Variants in STAT3 observed in about 807,000 individuals in gnomAD.
The protein encoded by STAT3 is signal transducer and activator of transcription 3, also known as DNA-binding protein APRF.
A neutral mutation model predicts 114.3 loss-of-function variants in STAT3; 7 were observed. The observed-to-expected ratio is 0.06, with a 90% CI of 0.03 to 0.11. STAT3 has a LOEUF of 0.11. Ranked by LOEUF, STAT3 falls within the 10% of genes least tolerant of loss-of-function variation. The probability of loss-of-function intolerance (pLI) is 1.00; values close to 1 mark genes in which losing one functional copy is unlikely to be tolerated. For missense variants in STAT3, 364 were observed against 960.9 expected, an observed-to-expected ratio of 0.38 and a Z score of 8.21; for synonymous variants, 331 against 354.5, an observed-to-expected ratio of 0.93 and a Z score of 0.74.
intron 15 of STAT3, among the ~76,000 whole-genome samples, chr17:42,325,631 C>T (rs2081675240): frequency 2.0e-5 from 3 of 151,308 alleles, no homozygotes; most frequent in Non-Finnish European, 2.9e-5. Context: ...ATGGCACAAT[C>T]TCAGCTCACT....
intron 21 of STAT3, among the ~76,000 whole-genome samples, chr17:42,321,114 CTTT>C (rs971943600): frequency 8.2e-5 from 9 of 110,136 alleles, no homozygotes; most frequent in Admixed American, 9.3e-5. Context: ...ATTTCTCTCT[CTTT>C]TTTTTTTTTT....
At chr17:42,370,018 C>A (rs2084021127) in intron 1 of STAT3, among the ~76,000 whole-genome samples, 1 of 152,098 alleles carries the variant, frequency 6.6e-6, no homozygotes, top group South Asian at 2.1e-4. Context: ...GTCGCCCAGA[C>A]TAGAGTGCGG....
intron 4 of STAT3, among the ~76,000 whole-genome samples, chr17:42,343,116 G>C (rs2082518862): frequency 6.7e-6 from 1 of 148,808 alleles, no homozygotes; most frequent in East Asian, 2.0e-4. Flanking sequence ...AGGCTGCAGT[G>C]AGCTGTGATC....
Position 42,339,755 on chromosome 17 carries a change from G to A in STAT3, c.373-346C>T, listed in dbSNP as rs1189980065. ...CGTGGTGTCCAGTATATTTCTGAGG[G>A]ATAATAAAAAAAAAGTCCTGCCCTA... On this transcript the variant is annotated intron_variant, in intron 4 of 23. Coordinates refer to ENST00000264657, the MANE Select transcript of STAT3 (RefSeq NM_139276.3). Among the ~76,000 whole-genome samples the A allele has an allele frequency of 2.0e-5, 3 of 151,800 alleles. No individual in the cohort carries two copies. The East Asian group carries it at 5.8e-4, about 29-fold the overall frequency.
intron 1 of STAT3, among the ~76,000 whole-genome samples, chr17:42,349,681 C>T (rs936341260): frequency 5.3e-5 from 8 of 152,160 alleles, no homozygotes; most frequent in African/African-American, 1.9e-4. Flanking sequence ...TATGAGAAAC[C>T]CAGCCAGCTA....
rs928929680 is a variant in STAT3, at chr17:42,314,333, C to G, written c.*1412G>C. 2 of 233,254 alleles carry G rather than the reference C, an allele frequency of 8.6e-6. No homozygotes were observed. The highest frequency in any genetic ancestry group is 5.6e-5 in the Admixed American group (1 of 17,752). 14.4% of individuals were successfully genotyped at this position (233,254 alleles called of 1,614,324 possible). A position where few individuals can be genotyped will look rare whatever the true frequency, so the allele number is the denominator to read the frequency against. ...CTCAACCAGACACGTCGCTGGGGCC[C>G]CATAGTGTGCATCATGTCCAACCTG... On this transcript the variant is annotated 3_prime_UTR_variant, in exon 24 of 24. Transcript: ENST00000264657.
intron 4 of STAT3, among the ~76,000 whole-genome samples, chr17:42,341,712 A>G (rs1186991983): frequency 6.6e-6 from 1 of 152,136 alleles, no homozygotes; most frequent in Non-Finnish European, 1.5e-5. Context: ...GCTTTATATC[A>G]GGGGTTGCAA....
chr17:42,348,333 T>C, intron 2 of STAT3, 56 bp downstream of exon 2: 1 of 1,608,154 alleles, frequency 6.2e-7, no homozygotes, highest in South Asian at 1.1e-5. Context: ...AGAGTTCATG[T>C]CTCTTGACTC....
Position 42,346,433 on chromosome 17 carries a change from T to G in STAT3, c.273+136A>C, listed in dbSNP as rs1598440866. 5 of 1,310,540 alleles carry G rather than the reference T, an allele frequency of 3.8e-6. No individual in the cohort carries two copies. The South Asian group carries it at 5.0e-5, about 13-fold the overall frequency. The allele number at this position is 1,310,540 out of a possible 1,614,324, so 81.2% of individuals were successfully genotyped here. A position where few individuals can be genotyped will look rare whatever the true frequency, so the allele number is the denominator to read the frequency against. On this transcript the variant is annotated intron_variant, in intron 3 of 23. Coordinates refer to ENST00000264657, the MANE Select transcript of STAT3 (RefSeq NM_139276.3). ...TACAGAGCTTTGAGAAAGGGCTAAT[T>G]ACTTCTCCTGTGATTGAAAATACAA...
At chr17:42,387,380 G>A (rs1425645319) in intron 1 of STAT3, 2 of 152,082 alleles carry the variant, frequency 1.3e-5, no homozygotes, top group Non-Finnish European at 2.9e-5. Flanking sequence ...CCTCTCCTCT[G>A]CATTTACCCA....
At chr17:42,380,024 G>T (rs2084685907) in intron 1 of STAT3, among the ~76,000 whole-genome samples, 1 of 151,946 alleles carries the variant, frequency 6.6e-6, no homozygotes, top group South Asian at 2.1e-4. Flanking sequence ...TTTAGTTTTT[G>T]ATATGACAGT....
At chr17:42,322,896 A>C in intron 20 of STAT3, 108 bp downstream of exon 20, 1 of 1,495,064 alleles carries the variant, frequency 6.7e-7, no homozygotes. Context: ...TGAAACAGGG[A>C]GTCAAGGCCA....
At chr17:42,369,652 T>C (rs7219059) in intron 1 of STAT3, among the ~76,000 whole-genome samples, 39,374 of 149,398 alleles carry the variant, frequency 0.26, 5,328 homozygotes, top group East Asian at 0.4. Flanking sequence ...CTTTTTTTTG[T>C]TTTGTTTTGT....
intron 21 of STAT3, among the ~76,000 whole-genome samples, chr17:42,320,757 T>G (rs537875284): frequency 6.9e-6 from 1 of 145,078 alleles, no homozygotes; most frequent in Admixed American, 6.8e-5. Flanking sequence ...AAGCCCATCA[T>G]TGGCTTTATG....
intron 3 of STAT3, among the ~76,000 whole-genome samples, 156 bp from the exon 4 acceptor site, chr17:42,345,813 T>G (rs2082672846): frequency 6.7e-6 from 1 of 148,796 alleles, no homozygotes; most frequent in Non-Finnish European, 1.5e-5. Context: ...AGGCTCTCTG[T>G]CGGCGGGGGG....
intron 11 of STAT3, among the ~76,000 whole-genome samples, chr17:42,330,595 G>GT (rs1179336224): frequency 6.6e-6 from 1 of 151,566 alleles, no homozygotes; most frequent in East Asian, 2.0e-4. Flanking sequence ...CGCCCAGCTA[G>GT]TTTTTTTGTA....
intron 1 of STAT3, among the ~76,000 whole-genome samples, chr17:42,375,193 T>C (rs2084383435): frequency 6.6e-6 from 1 of 152,236 alleles, no homozygotes; most frequent in Admixed American, 6.5e-5. Flanking sequence ...CCTCATTCAC[T>C]ACATGTCTAC....
Position 42,337,287 on chromosome 17 carries a change from A to G in STAT3, c.797+148T>C. ...GTGAGCCACAGCGCCTGGCCGAAAT[A>G]AAGTAAAAACTTTAATTCTTGGGCT... On this transcript the variant is annotated intron_variant, in intron 8 of 23. Coordinates refer to ENST00000264657, the MANE Select transcript of STAT3 (RefSeq NM_139276.3). This position sits in a 1 kb window ranked among gnomAD's most constrained non-coding sequence, Gnocchi z 4.0. 1 of 1,265,376 alleles carries G rather than the reference A, an allele frequency of 7.9e-7. No homozygotes were observed. The highest frequency in any genetic ancestry group is 2.8e-5 in the Admixed American group (1 of 36,294). The allele number at this position is 1,265,376 out of a possible 1,614,324, so 78.4% of individuals were successfully genotyped here. A position where few individuals can be genotyped will look rare whatever the true frequency, so the allele number is the denominator to read the frequency against.
At position 42,317,162 on chromosome 17, in the gene STAT3, G is replaced by C; in HGVS notation, c.2144+20C>G. The C allele has an allele frequency of 6.2e-7, 1 of 1,613,930 alleles. No homozygotes were observed. Among genetic ancestry groups the C allele is most frequent in the African/African-American group, 1.3e-5 (1 of 74,984 alleles). On this transcript the variant is annotated intron_variant, in intron 22 of 23. Transcript: ENST00000264657. ...AGGATATTAGAAATGAAGGCAAAAC[G>C]GGGAAAGGAAGCCACTTACGGTGTC...
Sources: allele counts gnomAD v4.1 joint callset (sites outside exome capture counted in the v4.1 genomes callset), GRCh38; gene constraint gnomAD v4.1.1; non-coding constraint Gnocchi (gnomAD v3.1); transcripts MANE v1.5; gene names NCBI Gene and HGNC (gene_info 2026-07-23, HGNC 2026-07-21).